Variants in DCDC2C observed in about 807,000 individuals in gnomAD.
DCDC2C encodes doublecortin domain containing 2C, also known as doublecortin domain-containing protein 2C.
A neutral mutation model predicts 45.0 loss-of-function variants in DCDC2C; 44 were observed. The ratio of observed to expected loss-of-function variants is 0.98; its 90% CI spans 0.77 to 1.26. The LOEUF is 1.26. DCDC2C is among the 50% of genes most tolerant of loss of function. The probability of loss-of-function intolerance (pLI) is 0.00; values close to 1 mark genes in which losing one functional copy is unlikely to be tolerated. For synonymous variants in DCDC2C, 187 were observed against 178.8 expected (o/e 1.05, Z -0.37); for missense variants, 447 against 468.9 (o/e 0.95, Z 0.43).
intron 4 of DCDC2C, among the ~76,000 whole-genome samples, chr2:3,745,860 C>G (rs116473342): frequency 0.015 from 2,237 of 151,928 alleles, 56 homozygotes; most frequent in African/African-American, 0.051. Flanking sequence ...CAGGTGTGAG[C>G]CACCACTCAT....
At chr2:3,802,468 A>G (rs1671137115) in intron 10 of DCDC2C, among the ~76,000 whole-genome samples, 1 of 152,216 alleles carries the variant, frequency 6.6e-6, no homozygotes, top group African/African-American at 2.4e-5. Flanking sequence ...GACACTGAGT[A>G]TAGGCTGCTA....
intron 10 of DCDC2C, among the ~76,000 whole-genome samples, chr2:3,789,947 G>A (rs919946882): frequency 2.6e-5 from 4 of 152,174 alleles, no homozygotes; most frequent in Non-Finnish European, 2.9e-5. Flanking sequence ...ATTGATTAAC[G>A]TTGTGTGCTG....
At chr2:3,741,829 T>A in intron 3 of DCDC2C, 91 bp from the exon 4 acceptor site, 9 of 1,348,622 alleles carry the variant, frequency 6.7e-6, no homozygotes, top group Non-Finnish European at 9.0e-6. Context: ...TCATTGTTTT[T>A]ACAGTTCTGT....
At chr2:3,743,291 C>T (rs544467895) in intron 4 of DCDC2C, among the ~76,000 whole-genome samples, 4 of 152,238 alleles carry the variant, frequency 2.6e-5, no homozygotes, top group African/African-American at 9.6e-5. Context: ...GAGAGGTAGA[C>T]AGCAATACAA....
chr2:3,844,203 A>G (rs1044396640), intron 10 of DCDC2C: 1 of 152,502 alleles, frequency 6.6e-6, no homozygotes. Flanking sequence ...CAAGAAGAAT[A>G]AACACCTGAG....
At chr2:3,813,039 GTA>G (rs202152340) in intron 10 of DCDC2C, among the ~76,000 whole-genome samples, 1,020 of 87,362 alleles carry the variant, frequency 0.012, 13 homozygotes, top group African/African-American at 0.039. Context: ...TGAGAAGAAC[GTA>G]TATATATATA....
At chr2:3,745,971 T>C (rs1035987066) in intron 4 of DCDC2C, among the ~76,000 whole-genome samples, 4 of 152,210 alleles carry the variant, frequency 2.6e-5, no homozygotes, top group African/African-American at 9.6e-5. Flanking sequence ...ATTGGATAGT[T>C]TGAACTTTTG....
At chr2:3,812,188 C>T (rs1671415601) in intron 10 of DCDC2C, among the ~76,000 whole-genome samples, 1 of 150,280 alleles carries the variant, frequency 6.7e-6, no homozygotes, top group Non-Finnish European at 1.5e-5. Flanking sequence ...TTGAATTCAG[C>T]TGTAAATCCA....
intron 8 of DCDC2C, among the ~76,000 whole-genome samples, chr2:3,777,489 T>C (rs933503229): frequency 1.3e-5 from 2 of 152,238 alleles, no homozygotes; most frequent in African/African-American, 2.4e-5. Flanking sequence ...AATGAATGAA[T>C]CAGTGATTGA....
chr2:3,736,165 T>C (rs376856121), intron 3 of DCDC2C, among the ~76,000 whole-genome samples: 5 of 152,050 alleles, frequency 3.3e-5, no homozygotes, highest in African/African-American at 9.7e-5. Context: ...TCGGGGAACA[T>C]AGATGAGAGG....
At chr2:3,794,032 A>G (rs1161230422) in intron 10 of DCDC2C, among the ~76,000 whole-genome samples, 1 of 152,240 alleles carries the variant, frequency 6.6e-6, no homozygotes, top group African/African-American at 2.4e-5. Context: ...CTTAAAGGTT[A>G]GTTACAATGT....
chr2:3,722,707 T>G (rs1000888157), intron 2 of DCDC2C, among the ~76,000 whole-genome samples: 6 of 152,150 alleles, frequency 3.9e-5, no homozygotes, highest in African/African-American at 1.4e-4. Context: ...TTTTATGAAG[T>G]ACAGAGAAAA....
Position 3,785,087 on chromosome 2 carries a change from A to C in DCDC2C, c.1052A>C (p.Asp351Ala). Residue 351 changes from aspartate (D) to alanine (A), a missense_variant, in exon 10 of 11, where the codon GAC becomes GCC. Physicochemically the swap from Asp to Ala is moderately radical, Grantham distance 126 (BLOSUM62 -2). Transcript: ENST00000399143. ...KDKEDARLCE[D>A]VERKMAREWK... ...AAAGAAGATGCAAGGCTTTGTGAAG[A>C]CGTTGAAAGAAAGGTTTGTATCAAC... is the stretch of plus-strand genomic sequence containing the variant. 1 of 1,231,728 alleles carries C rather than the reference A, an allele frequency of 8.1e-7. No individual in the cohort carries two copies. The highest frequency in any genetic ancestry group is 4.1e-5 in the South Asian group (1 of 24,308). 76.3% of individuals were successfully genotyped at this position (1,231,728 alleles called of 1,614,324 possible). A position where few individuals can be genotyped will look rare whatever the true frequency, so the allele number is the denominator to read the frequency against.
At chr2:3,840,526 G>A (rs1672187436) in intron 10 of DCDC2C, among the ~76,000 whole-genome samples, 1 of 152,176 alleles carries the variant, frequency 6.6e-6, no homozygotes. Flanking sequence ...CGTAATAAAA[G>A]CATAGTTGTA....
At chr2:3,810,727 T>A (rs890291120) in intron 10 of DCDC2C, among the ~76,000 whole-genome samples, 10 of 152,216 alleles carry the variant, frequency 6.6e-5, no homozygotes, top group Non-Finnish European at 1.3e-4. Context: ...TACATTTAAG[T>A]CTTTAATCCA....
At chr2:3,762,162 CT>C (rs56067833) in intron 6 of DCDC2C, among the ~76,000 whole-genome samples, 41,455 of 127,690 alleles carry the variant, frequency 0.32, 6,614 homozygotes, top group Middle Eastern at 0.38. Flanking sequence ...TTGCTTGAAC[CT>C]TTTTTTTTTT....
At chr2:3,836,163 T>C (rs1672070223) in intron 10 of DCDC2C, among the ~76,000 whole-genome samples, 1 of 152,202 alleles carries the variant, frequency 6.6e-6, no homozygotes, top group Admixed American at 6.5e-5. Flanking sequence ...GTAATGTAGA[T>C]GTAATATAAC....
At chr2:3,800,131 C>T in intron 10 of DCDC2C, among the ~76,000 whole-genome samples, 1 of 152,172 alleles carries the variant, frequency 6.6e-6, no homozygotes, top group Admixed American at 6.5e-5. Context: ...ACTCGATTTT[C>T]CAGGTGCCGT....
At position 3,788,845 on chromosome 2, in the gene DCDC2C, C is replaced by A. The variant is rs1670728358; in HGVS notation, c.1065+3745C>A. ...TGCCTTCCCTCCCTTCCCCAACCCT[C>A]CCTCTCTCCCCCCAACCCTCCCTCC... On this transcript the variant is annotated intron_variant, in intron 10 of 10. Transcript: ENST00000399143. 7.1e-5 allele frequency among the ~76,000 whole-genome samples: 10 copies of A among 140,384 alleles called. No homozygotes were observed. In the Admixed American group the frequency reaches 7.2e-4, roughly 10 times the overall value. 92.1% of individuals were successfully genotyped at this position (140,384 alleles called of 152,430 possible).
Sources: gnomAD v4.1 joint callset for allele counts (sites outside exome capture counted in the v4.1 genomes callset) on GRCh38, gnomAD v4.1.1 for gene constraint, MANE v1.5 for transcripts, NCBI Gene and HGNC (gene_info 2026-07-23, HGNC 2026-07-21) for gene names.